Variants in DPYD observed in about 807,000 individuals in gnomAD.
DPYD encodes the protein dihydropyrimidine dehydrogenase [NADP(+)].
A neutral mutation model predicts 116.2 loss-of-function variants in DPYD; 109 were observed. That is an observed-to-expected ratio of 0.94 (90% confidence interval 0.80 to 1.10). The LOEUF is 1.10. Among genes scored for constraint, DPYD ranks in the 50% least tolerant of loss-of-function variants. The pLI is 0.00. For synonymous variants in DPYD, 440 were observed against 432.0 expected, an observed-to-expected ratio of 1.02 and a Z score of -0.23; for missense variants, 1,302 against 1,254.5, an observed-to-expected ratio of 1.04 and a Z score of -0.57.
At chr1:97,700,912 G>C (rs777178570) in intron 5 of DPYD, among the ~76,000 whole-genome samples, 18 of 150,862 alleles carry the variant, frequency 1.2e-4, no homozygotes, top group Admixed American at 2.7e-4. Context: ...TGGAAGGAGG[G>C]AGTGGGATTT....
At position 97,187,205 on chromosome 1, in the gene DPYD, C is replaced by A. The variant is rs540896527; in HGVS notation, c.2622+5864G>T. Among the ~76,000 whole-genome samples the A allele has an allele frequency of 2.6e-5, 4 of 152,252 alleles. No individual in the cohort carries two copies. The East Asian group carries it at 7.7e-4, about 29-fold the overall frequency. On this transcript the variant is annotated intron_variant, in intron 20 of 22. Coordinates refer to ENST00000370192, the MANE Select transcript of DPYD (RefSeq NM_000110.4). ...TACATTCCCACCAAAAATGTATAAG[C>A]ATTCCCTTTTTTTTCCCACATCCTC...
At chr1:97,618,193 C>T (rs1656407004) in intron 8 of DPYD, among the ~76,000 whole-genome samples, 1 of 152,108 alleles carries the variant, frequency 6.6e-6, no homozygotes, top group Non-Finnish European at 1.5e-5. Context: ...ATCAGTGTTT[C>T]TCAGACTCTC....
intron 18 of DPYD, among the ~76,000 whole-genome samples, chr1:97,283,597 T>G (rs1665469115): frequency 6.6e-6 from 1 of 152,104 alleles, no homozygotes; most frequent in Non-Finnish European, 1.5e-5. Flanking sequence ...ATTATGAGTC[T>G]TTTATTATAA....
chr1:97,574,118 A>C lies in DPYD; in HGVS notation c.1129-148T>G, dbSNP rs1653102679. 2.2e-6 allele frequency: 3 copies of C among 1,365,834 alleles called. No homozygotes were observed. The Admixed American group carries it at 6.9e-5, about 32-fold the overall frequency. 84.6% of individuals were successfully genotyped at this position (1,365,834 alleles called of 1,614,324 possible). On this transcript the variant is annotated intron_variant, in intron 10 of 22. Coordinates refer to ENST00000370192, the MANE Select transcript of DPYD (RefSeq NM_000110.4). ...TCACCAAACCTGAGTTTCAGTTACC[A>C]GTTATTTGCATTTTGTAAATCACTG... is the stretch of plus-strand genomic sequence containing the variant.
chr1:97,404,013 A>T (rs1209190736), intron 14 of DPYD, among the ~76,000 whole-genome samples: 1 of 151,992 alleles, frequency 6.6e-6, no homozygotes, highest in Non-Finnish European at 1.5e-5. Context: ...TTAGTTCAAA[A>T]TATTTTTAAT....
At chr1:97,555,730 CTCTT>C (rs1306735375) in intron 11 of DPYD, among the ~76,000 whole-genome samples, 1 of 152,068 alleles carries the variant, frequency 6.6e-6, no homozygotes, top group Non-Finnish European at 1.5e-5. Context: ...CGCTCTCTCT[CTCTT>C]CCTTTTTAAT....
intron 18 of DPYD, among the ~76,000 whole-genome samples, chr1:97,251,988 G>C (rs1663130375): frequency 6.6e-6 from 1 of 152,042 alleles, no homozygotes; most frequent in South Asian, 2.1e-4. Flanking sequence ...ATTGGTATTT[G>C]AGTATATCTT....
intron 10 of DPYD, 31 bp from the exon 11 acceptor site, chr1:97,574,001 G>C (rs745473581): frequency 4.3e-6 from 7 of 1,610,300 alleles, no homozygotes; most frequent in African/African-American, 1.3e-5. Flanking sequence ...GAAGAAACTT[G>C]AAAATGTTTC....
intron 13 of DPYD, among the ~76,000 whole-genome samples, chr1:97,499,944 T>C (rs78472505): frequency 0.038 from 5,814 of 152,020 alleles, 169 homozygotes; most frequent in Non-Finnish European, 0.057. Flanking sequence ...CAAATGGTAA[T>C]AGAGGCAATC....
chr1:97,591,250 C>G (rs934817321), intron 10 of DPYD, among the ~76,000 whole-genome samples: 1 of 152,194 alleles, frequency 6.6e-6, no homozygotes, highest in Non-Finnish European at 1.5e-5. Flanking sequence ...CCTCATCTCT[C>G]ACACACTCAT....
intron 13 of DPYD, among the ~76,000 whole-genome samples, chr1:97,454,747 T>A (rs1676593891): frequency 6.6e-6 from 1 of 151,870 alleles, no homozygotes; most frequent in Non-Finnish European, 1.5e-5. Flanking sequence ...TTACTTGACC[T>A]CTCTTATTAT....
chr1:97,796,215 TTAGG>T (rs1667561608), intron 3 of DPYD, among the ~76,000 whole-genome samples: 2 of 152,228 alleles, frequency 1.3e-5, no homozygotes, highest in South Asian at 4.1e-4. Flanking sequence ...ACCAATTCTG[TTAGG>T]TAGGCATTAT....
At chr1:97,892,868 T>C (rs545447135) in intron 1 of DPYD, among the ~76,000 whole-genome samples, 1 of 151,960 alleles carries the variant, frequency 6.6e-6, no homozygotes, top group East Asian at 1.9e-4. Flanking sequence ...CACTAAGCAA[T>C]ATGCATAGTG....
chr1:97,077,774 T>G lies in DPYD; in HGVS notation c.*1202A>C, dbSNP rs916828146. ...ATGCTTTATGATATTTTATTTGATA[T>G]TATTCAGTAATACAGGTTTTGTGGC... On this transcript the variant is annotated 3_prime_UTR_variant, in exon 23 of 23. Transcript: ENST00000370192. 1 of 152,176 alleles carries G rather than the reference T, an allele frequency of 6.6e-6. No individual in the cohort carries two copies. The highest frequency in any genetic ancestry group is 2.4e-5 in the African/African-American group (1 of 41,448). 9.4% of individuals were successfully genotyped at this position (152,176 alleles called of 1,614,324 possible). A position where few individuals can be genotyped will look rare whatever the true frequency, so the allele number is the denominator to read the frequency against.
intron 10 of DPYD, among the ~76,000 whole-genome samples, chr1:97,587,839 G>GA (rs1277387224): frequency 7.6e-4 from 92 of 120,764 alleles, no homozygotes; most frequent in East Asian, 1.7e-3. Context: ...AAAAAAAAAA[G>GA]AAAAAAAAAA....
chr1:97,633,086 C>G (rs1571096150), intron 8 of DPYD, among the ~76,000 whole-genome samples: 1 of 151,986 alleles, frequency 6.6e-6, no homozygotes, highest in East Asian at 1.9e-4. Flanking sequence ...TAATCACATG[C>G]TATTGATTAA....
intron 8 of DPYD, among the ~76,000 whole-genome samples, chr1:97,634,156 A>C (rs1020887148): frequency 6.6e-6 from 1 of 152,150 alleles, no homozygotes; most frequent in African/African-American, 2.4e-5. Context: ...CTGCTAAACC[A>C]CTAAATAGGA....
intron 12 of DPYD, among the ~76,000 whole-genome samples, chr1:97,526,778 C>G (rs1174978136): frequency 6.6e-6 from 1 of 152,128 alleles, no homozygotes; most frequent in Non-Finnish European, 1.5e-5. Flanking sequence ...CTCTGACAAG[C>G]ATCAACACAT....
chr1:97,437,521 C>T (rs1282019032), intron 14 of DPYD, among the ~76,000 whole-genome samples: 3 of 151,720 alleles, frequency 2.0e-5, no homozygotes, highest in Non-Finnish European at 4.4e-5. Flanking sequence ...TGAACATTCC[C>T]GTACAAGTCT....
Sources: allele counts gnomAD v4.1 joint callset (sites outside exome capture counted in the v4.1 genomes callset), GRCh38; gene constraint gnomAD v4.1.1; transcripts MANE v1.5; gene names NCBI Gene and HGNC (gene_info 2026-07-23, HGNC 2026-07-21).